The following DNAH2 variants were observed in gnomAD, a reference collection of about 807,000 sequenced individuals.
DNAH2 encodes axonemal beta dynein heavy chain 2.
A neutral mutation model predicts 523.5 loss-of-function variants in DNAH2; 323 were observed. That is an observed-to-expected ratio of 0.62 (90% CI 0.56 to 0.68). The LOEUF is 0.68. Ranked by LOEUF, DNAH2 falls within the 30% of genes least tolerant of loss-of-function variation. DNAH2 has a pLI of 0.00. For missense variants in DNAH2, 4,907 were observed against 5,701.5 expected (o/e 0.86, Z 4.49); for synonymous variants, 2,093 against 2,177.4 (o/e 0.96, Z 1.08).
intron 4 of DNAH2, among the ~76,000 whole-genome samples, chr17:7,729,453 G>A (rs538294014): frequency 8.6e-5 from 13 of 151,950 alleles, no homozygotes; most frequent in South Asian, 2.1e-4. Context: ...GTTTTGAGAC[G>A]GAGTTTTGCT....
At chr17:7,812,461 T>TA (rs911082397) in intron 63 of DNAH2, among the ~76,000 whole-genome samples, 23 of 151,392 alleles carry the variant, frequency 1.5e-4, no homozygotes, top group Admixed American at 4.6e-4. Flanking sequence ...CCACAAAATA[T>TA]AAAAAAATCA....
intron 58 of DNAH2, among the ~76,000 whole-genome samples, chr17:7,803,669 CA>C (rs920826440): frequency 2.1e-4 from 30 of 141,010 alleles, no homozygotes; most frequent in South Asian, 4.5e-4. Context: ...GACTCCGTCT[CA>C]AAAAAAAAAA....
intron 77 of DNAH2, among the ~76,000 whole-genome samples, chr17:7,827,921 A>AGT (rs1177748207): frequency 6.7e-6 from 1 of 149,924 alleles, no homozygotes; most frequent in Non-Finnish European, 1.5e-5. Flanking sequence ...TGGAATCAAT[A>AGT]CTTTAGTCTT....
intron 58 of DNAH2, 128 bp from the exon 59 acceptor site, chr17:7,804,128 G>T: frequency 1.1e-6 from 1 of 895,908 alleles, no homozygotes; most frequent in African/African-American, 1.7e-5. Flanking sequence ...GACCAGGATG[G>T]TGGGGGTAGT....
rs750341179 is a variant in DNAH2 at position 7,817,869 on chromosome 17, G to A, written c.10236+13G>A. 2.0e-5 allele frequency: 33 copies of A among 1,611,260 alleles called. No homozygotes were observed. Among genetic ancestry groups the A allele is most frequent in the Middle Eastern group, 1.7e-4 (1 of 6,058 alleles). ...GGAAGGAGGCCAGGTGTGAGGCTGG[G>A]GGGTCAGGTTAGCCCCCCCCTTCCT... On this transcript the variant is annotated intron_variant, in intron 67 of 85. Coordinates refer to ENST00000572933, the MANE Select transcript of DNAH2 (RefSeq NM_020877.5).
intron 60 of DNAH2, 35 bp from the exon 61 acceptor site, chr17:7,805,217 C>T (rs370522153): frequency 6.2e-7 from 1 of 1,610,744 alleles, no homozygotes; most frequent in African/African-American, 1.3e-5. Flanking sequence ...CCAGAAGGTC[C>T]TGTCTTACCC....
In DNAH2 at chr17:7,786,875, T is replaced by G. The variant is rs1396388770; in HGVS notation, c.6467-22T>G. 1 of 1,613,994 alleles carries G rather than the reference T, an allele frequency of 6.2e-7. No individual in the cohort carries two copies. The highest frequency in any genetic ancestry group is 1.3e-5 in the African/African-American group (1 of 74,922). ...CAAGGTGAGCGGCTCCCCGGTTTCC[T>G]CATCACCCACCATCTACTCAGATGA... On this transcript the variant is annotated intron_variant, in intron 41 of 85. Coordinates refer to ENST00000572933, the MANE Select transcript of DNAH2 (RefSeq NM_020877.5). This position sits in a 1 kb window ranked among gnomAD's most constrained non-coding sequence, Gnocchi z 7.5.
chr17:7,733,248 A>G lies in DNAH2; in HGVS notation c.561A>G (p.Thr187=), dbSNP rs2075042555. The G allele has an allele frequency of 6.2e-7, 1 of 1,614,050 alleles. No individual in the cohort carries two copies. The highest frequency in any genetic ancestry group is 8.5e-7 in the Non-Finnish European group (1 of 1,180,042). ...TTGCCCCTCAGATCTTTGCAAACACAGGCTGGCCTGAGAGCATTAGAAATC... is the reference window on the plus strand; with the variant it reads ...TTGCCCCTCAGATCTTTGCAAACACGGGCTGGCCTGAGAGCATTAGAAATC... The part of the protein sequence containing the change: ...GVFAPQIFAN[T]GWPESIRNHF... Residue 187 remains threonine (T), a synonymous_variant, in exon 5 of 86, where the codon ACA becomes ACG. Transcript: ENST00000572933.
intron 72 of DNAH2, among the ~76,000 whole-genome samples, chr17:7,820,023 C>T (rs1422278112): frequency 6.6e-6 from 1 of 152,068 alleles, no homozygotes; most frequent in African/African-American, 2.4e-5. Context: ...TGCCCTGGCT[C>T]GTCTCAAACT....
At position 7,737,268 on chromosome 17, in the gene DNAH2, T is replaced by C. The variant is rs778759552; in HGVS notation, c.1170+10T>C. 4 of 1,611,718 alleles carry C rather than the reference T, an allele frequency of 2.5e-6. No individual in the cohort carries two copies. Among genetic ancestry groups the C allele is most frequent in the Non-Finnish European group, 3.4e-6 (4 of 1,178,196 alleles). ...CTCGCTCTTCCGAAAGGTGTGCATATGCTGAGGGTGGGATGGAGGGGTTTA... is the reference window on the plus strand; with the variant it reads ...CTCGCTCTTCCGAAAGGTGTGCATACGCTGAGGGTGGGATGGAGGGGTTTA... On this transcript the variant is annotated intron_variant, in intron 8 of 85. Transcript: ENST00000572933.
Position 7,817,868 on chromosome 17 carries a change from G to C in DNAH2, c.10236+12G>C. On this transcript the variant is annotated intron_variant, in intron 67 of 85. Transcript: ENST00000572933. ...TGGAAGGAGGCCAGGTGTGAGGCTG[G>C]GGGGTCAGGTTAGCCCCCCCCTTCC... 6.2e-7 allele frequency: 1 copy of C among 1,611,422 alleles called. No individual in the cohort carries two copies.
chr17:7,775,223 A>T lies in DNAH2; in HGVS notation c.4720-18A>T. 1 of 1,608,692 alleles carries T rather than the reference A, an allele frequency of 6.2e-7. No individual in the cohort carries two copies. Among genetic ancestry groups the T allele is most frequent in the South Asian group, 1.1e-5 (1 of 90,116 alleles). The stretch of plus-strand genomic sequence containing the variant: ...AGGGTGGGCAGGCCAGGCTCTGAGT[A>T]GCTTCTGCTTTCTGCAGGTTGGAGG... On this transcript the variant is annotated intron_variant, in intron 29 of 85. Coordinates refer to ENST00000572933, the MANE Select transcript of DNAH2 (RefSeq NM_020877.5).
At position 7,807,070 on chromosome 17, in the gene DNAH2, G is replaced by A. The variant is rs960463312; in HGVS notation, c.9443-80G>A. On this transcript the variant is annotated intron_variant, in intron 61 of 85. Transcript: ENST00000572933. This position sits in a 1 kb window ranked among gnomAD's most constrained non-coding sequence, Gnocchi z 5.6. ...GAGCCCAGGAAAAATGTGGCTATGC[G>A]TGAGTAGTGGAGGTGAAACTGCTGG... 44 of 1,521,322 alleles carry A rather than the reference G, an allele frequency of 2.9e-5. No individual in the cohort carries two copies. The highest frequency in any genetic ancestry group is 1.8e-4 in the Middle Eastern group (1 of 5,700). 94.2% of individuals were successfully genotyped at this position (1,521,322 alleles called of 1,614,324 possible). A position where few individuals can be genotyped will look rare whatever the true frequency, so the allele number is the denominator to read the frequency against.
At chr17:7,741,236 C>CTCTCTTTCTTTCTT (rs1555540638) in intron 11 of DNAH2, among the ~76,000 whole-genome samples, 54 of 85,656 alleles carry the variant, frequency 6.3e-4, no homozygotes, top group African/African-American at 2.1e-3. Flanking sequence ...TTTTCTCTCT[C>CTCTCTTTCTTTCTT]TCTTTCTTTC....
intron 77 of DNAH2, among the ~76,000 whole-genome samples, chr17:7,827,892 T>C (rs1337576231): frequency 6.6e-6 from 1 of 152,106 alleles, no homozygotes; most frequent in Non-Finnish European, 1.5e-5. Context: ...TTCTGTTCAT[T>C]GGTCAAATTG....
chr17:7,824,962 G>A (rs562673583), intron 77 of DNAH2, among the ~76,000 whole-genome samples: 3 of 152,206 alleles, frequency 2.0e-5, no homozygotes, highest in African/African-American at 4.8e-5. Context: ...TTATTAACTC[G>A]TTTAATATGG....
At position 7,780,235 on chromosome 17, in the gene DNAH2, C is replaced by G. The variant is rs1357990420; in HGVS notation, c.5801C>G (p.Thr1934Ser). Residue 1934 changes from threonine to serine, a missense_variant, in exon 37 of 86, where the codon ACC (threonine) becomes AGC (serine). Physicochemically the swap from Thr to Ser is moderately conservative, Grantham distance 58. Around this residue, in one of 3 missense-constraint regions of DNAH2, gnomAD observed 2,806 missense variants for 3,190.8 expected, o/e 0.88. Transcript: ENST00000572933. This position sits in a 1 kb window ranked among gnomAD's most constrained non-coding sequence, Gnocchi z 4.4. ...ATTGCCATGGTGGTGCCTGACTCCA[C>G]CCTCATTGCAGAAATCATTCTCTTT... ...RPIAMVVPDS[T>S]LIAEIILFGE... 1.2e-6 allele frequency: 2 copies of G among 1,614,084 alleles called. No individual in the cohort carries two copies. Among genetic ancestry groups the G allele is most frequent in the East Asian group, 2.2e-5 (1 of 44,894 alleles).
In DNAH2 at chr17:7,831,771, GA is replaced by G; in HGVS notation, c.12725del (p.Lys4242ArgfsTer34). On this transcript the variant is annotated frameshift_variant, in exon 82 of 86. Coordinates refer to ENST00000572933, the MANE Select transcript of DNAH2 (RefSeq NM_020877.5). LOFTEE classifies it high-confidence loss of function. The surrounding 1 kb of genome is among the most constrained non-coding windows in gnomAD (Gnocchi z 4.2). Reference protein sequence around the residue: ...IFDAHVPPLWGKAYPSQKPLA... With the variant: ...IFDAHVPPLWXKAYPSQKPLA... ...GATGCCCATGTTCCTCCGCTCTGGG[GA>G]AAGGCAAGATTATACCATTGTTGAT... 1.2e-6 allele frequency: 2 copies of G among 1,613,020 alleles called. No individual in the cohort carries two copies. Among genetic ancestry groups the G allele is most frequent in the Non-Finnish European group, 1.7e-6 (2 of 1,179,178 alleles).
intron 10 of DNAH2, 67 bp downstream of exon 10, chr17:7,740,616 A>G: frequency 6.3e-7 from 1 of 1,592,930 alleles, no homozygotes; most frequent in South Asian, 1.1e-5. Flanking sequence ...CTCCTTCCGG[A>G]GGCCCTCCTG....
Sources: allele counts gnomAD v4.1 joint callset (sites outside exome capture counted in the v4.1 genomes callset), GRCh38; gene constraint gnomAD v4.1.1; regional missense constraint gnomAD v4.1.1; non-coding constraint Gnocchi (gnomAD v3.1); transcripts MANE v1.5; gene names NCBI Gene and HGNC (gene_info 2026-07-23, HGNC 2026-07-21).